The following PIK3C2A variants were observed in gnomAD, a reference collection of about 807,000 sequenced individuals.
PIK3C2A encodes phosphatidylinositol 4-phosphate 3-kinase C2 domain-containing subunit alpha.
PIK3C2A carries 97 observed loss-of-function variants against 204.5 expected under a neutral mutation model. The observed-to-expected ratio is 0.47, with a 90% CI of 0.40 to 0.56. PIK3C2A has a LOEUF of 0.56. Among genes scored for constraint, PIK3C2A ranks in the 20% least tolerant of loss-of-function variants. The probability of loss-of-function intolerance (pLI) is 0.00; values close to 1 mark genes in which losing one functional copy is unlikely to be tolerated. For missense variants in PIK3C2A, 1,735 were observed against 1,969.2 expected (o/e 0.88, Z 2.25); for synonymous variants, 653 against 664.4 (o/e 0.98, Z 0.26).
intron 24 of PIK3C2A, 56 bp from the exon 25 acceptor site, chr11:17,101,490 G>T: frequency 1.1e-6 from 1 of 946,514 alleles, no homozygotes; most frequent in Non-Finnish European, 1.5e-6. Flanking sequence ...CTCCAATAGT[G>T]CTATTACATG....
At chr11:17,126,098 T>C (rs560008931) in intron 13 of PIK3C2A, among the ~76,000 whole-genome samples, 110 of 152,226 alleles carry the variant, frequency 7.2e-4, no homozygotes, top group African/African-American at 2.6e-3. Flanking sequence ...CACTCCAACC[T>C]GAGTGACAGA....
At position 17,125,525 on chromosome 11, in the gene PIK3C2A, T is replaced by C. The variant is rs560051681; in HGVS notation, c.2400-2712A>G. ...CTATTATCTAAAGATTTTCACTGTT[T>C]TTTTTTGAGATGGAGTCTCGTTCTG... On this transcript the variant is annotated intron_variant, in intron 13 of 32. Transcript: ENST00000691414. Among the ~76,000 whole-genome samples the C allele has an allele frequency of 1.3e-4, 20 of 152,272 alleles. 1 individual carries two copies. Among genetic ancestry groups the C allele is most frequent in the African/African-American group, 3.4e-4 (14 of 41,574 alleles).
chr11:17,096,897 A>G (rs1482086407), intron 27 of PIK3C2A, among the ~76,000 whole-genome samples, 160 bp downstream of exon 27: 2 of 152,252 alleles, frequency 1.3e-5, no homozygotes, highest in East Asian at 3.8e-4. Flanking sequence ...CAAAAAAGTT[A>G]GGGATGCTTC....
rs374074952 is a variant in PIK3C2A, at chr11:17,168,681, G to A, written c.1061C>T (p.Ser354Phe). ...GTTAGTAAGAAAAGACTATACCTGA[G>A]ATATATGGCCCTGGGCTTTTGCAAG... The part of the protein sequence containing the change: ...TQLAKAQGHI[S>F]QKDPNGTSSL... The change falls in exon 2 of 33, where the codon TCT becomes TTT. Residue 354 changes from serine to phenylalanine, a missense_variant. By Grantham distance (155) the Ser-to-Phe change is radical. This residue lies in a region of PIK3C2A where 536 missense variants were observed against 546.7 expected (regional missense o/e 0.98). Coordinates refer to ENST00000691414, the MANE Select transcript of PIK3C2A (RefSeq NM_002645.4). The A allele has an allele frequency of 1.4e-5, 21 of 1,548,528 alleles. No individual in the cohort carries two copies. In the African/African-American group the frequency reaches 2.8e-4, roughly 20 times the overall value.
intron 1 of PIK3C2A, among the ~76,000 whole-genome samples, chr11:17,174,994 C>T (rs1237547734): frequency 6.6e-6 from 1 of 152,116 alleles, no homozygotes; most frequent in Non-Finnish European, 1.5e-5. Context: ...AGCATAATGC[C>T]AATTTGTTAT....
At chr11:17,148,330 G>C in intron 5 of PIK3C2A, 2 of 177,718 alleles carry the variant, frequency 1.1e-5, no homozygotes, top group Non-Finnish European at 2.4e-5. Flanking sequence ...AGTGCATGTT[G>C]CAAGAGGAAT....
At chr11:17,095,611 A>AAATAAAT (rs1848431555) in intron 27 of PIK3C2A, among the ~76,000 whole-genome samples, 1 of 150,394 alleles carries the variant, frequency 6.6e-6, no homozygotes, top group Non-Finnish European at 1.5e-5. Context: ...AAAAATAAAA[A>AAATAAAT]AATAAATAAT....
At chr11:17,186,616 G>A (rs1340005136) in intron 1 of PIK3C2A, among the ~76,000 whole-genome samples, 1 of 152,132 alleles carries the variant, frequency 6.6e-6, no homozygotes, top group African/African-American at 2.4e-5. Context: ...CATCTTAAAT[G>A]TGCCAAATAA....
intron 1 of PIK3C2A, among the ~76,000 whole-genome samples, chr11:17,182,046 C>T (rs765825235): frequency 2.0e-5 from 3 of 150,718 alleles, no homozygotes; most frequent in Non-Finnish European, 2.9e-5. Flanking sequence ...TAGCCAAGAC[C>T]GTGCCATTGT....
chr11:17,180,206 C>CTA (rs1851489113), intron 1 of PIK3C2A, among the ~76,000 whole-genome samples: 2 of 151,928 alleles, frequency 1.3e-5, no homozygotes, highest in Admixed American at 1.3e-4. Flanking sequence ...ATCCTTAACT[C>CTA]TATGAAAACA....
At chr11:17,106,510 T>G (rs1848824467) in intron 22 of PIK3C2A, among the ~76,000 whole-genome samples, 1 of 152,240 alleles carries the variant, frequency 6.6e-6, no homozygotes. Flanking sequence ...TTTGACTATT[T>G]GAGACTCTCT....
intron 3 of PIK3C2A, among the ~76,000 whole-genome samples, chr11:17,151,056 A>G (rs917282043): frequency 6.6e-6 from 1 of 152,230 alleles, no homozygotes; most frequent in African/African-American, 2.4e-5. Flanking sequence ...AAGGATAACA[A>G]GTTGGTTGTC....
chr11:17,139,735 G>A (rs1441978586), intron 8 of PIK3C2A, among the ~76,000 whole-genome samples: 1 of 152,114 alleles, frequency 6.6e-6, no homozygotes, highest in Non-Finnish European at 1.5e-5. Flanking sequence ...CCCCCAAATG[G>A]TATCCTATTG....
chr11:17,114,223 G>A (rs1160699619), intron 20 of PIK3C2A, 138 bp downstream of exon 20: 2 of 461,760 alleles, frequency 4.3e-6, no homozygotes, highest in Non-Finnish European at 7.8e-6. Flanking sequence ...GATAAATATG[G>A]ATCCTAATCA....
chr11:17,116,190 C>T (rs962006561), intron 19 of PIK3C2A, among the ~76,000 whole-genome samples: 1 of 152,066 alleles, frequency 6.6e-6, no homozygotes, highest in Non-Finnish European at 1.5e-5. Flanking sequence ...ATAACTCTTA[C>T]AACTCAACAA....
chr11:17,171,244 TC>T (rs1851146057), intron 1 of PIK3C2A, among the ~76,000 whole-genome samples: 1 of 152,242 alleles, frequency 6.6e-6, no homozygotes, highest in South Asian at 2.1e-4. Context: ...AAAGTGCCTC[TC>T]ATTGGCCTTG....
chr11:17,127,298 A>C (rs1024000671), intron 13 of PIK3C2A, among the ~76,000 whole-genome samples: 2 of 152,120 alleles, frequency 1.3e-5, no homozygotes, highest in Admixed American at 1.3e-4. Context: ...AATATTTTTA[A>C]AATAAATATG....
chr11:17,197,375 A>T (rs1852198198), intron 1 of PIK3C2A, among the ~76,000 whole-genome samples: 1 of 152,078 alleles, frequency 6.6e-6, no homozygotes, highest in African/African-American at 2.4e-5. Flanking sequence ...TCCACTGCAC[A>T]ACTACTATAA....
chr11:17,136,475 T>C lies in PIK3C2A; in HGVS notation c.1848+7A>G. ...GTAATAAAATCCTAGTTACCAAAAA[T>C]ACTCACATCAGCAGTTTTACTCCTT... On this transcript the variant is annotated splice_region_variant and intron_variant, in intron 9 of 32. Coordinates refer to ENST00000691414, the MANE Select transcript of PIK3C2A (RefSeq NM_002645.4). 6.2e-7 allele frequency: 1 copy of C among 1,601,830 alleles called. No individual in the cohort carries two copies. The highest frequency in any genetic ancestry group is 8.5e-7 in the Non-Finnish European group (1 of 1,170,962).
Sources: allele counts gnomAD v4.1 joint callset (sites outside exome capture counted in the v4.1 genomes callset), GRCh38; gene constraint gnomAD v4.1.1; regional missense constraint gnomAD v4.1.1; transcripts MANE v1.5; gene names NCBI Gene and HGNC (gene_info 2026-07-23, HGNC 2026-07-21).